The following EXOSC9 variants were observed in gnomAD, a reference collection of about 807,000 sequenced individuals.
EXOSC9 encodes exosome component 9, also known as exosome complex component RRP45.
A neutral mutation model predicts 56.5 loss-of-function variants in EXOSC9; 38 were observed. That is an observed-to-expected ratio of 0.67 (90% CI 0.52 to 0.88). The LOEUF (loss-of-function observed/expected upper bound fraction) is 0.88, where lower values mean the gene tolerates loss of function less well. Among genes scored for constraint, EXOSC9 ranks in the 40% least tolerant of loss-of-function variants. The probability of loss-of-function intolerance (pLI) is 0.00; values close to 1 mark genes in which losing one functional copy is unlikely to be tolerated. For synonymous variants in EXOSC9, 170 were observed against 170.8 expected, an observed-to-expected ratio of 0.99 and a Z score of 0.04; for missense variants, 559 against 530.5, an observed-to-expected ratio of 1.05 and a Z score of -0.53.
In EXOSC9 at chr4:121,801,423, C is replaced by G. The variant is rs753228249; in HGVS notation, c.-2C>G. On this transcript the variant is annotated 5_prime_UTR_variant, in exon 1 of 12. Transcript: ENST00000243498. ...TGCCTGTGGGGCCGGTGACCCAACA[C>G]CATGAAGGAAACGCCACTCTCAAAC... is the stretch of plus-strand genomic sequence containing the variant. The G allele has an allele frequency of 6.2e-7, 1 of 1,614,050 alleles. No homozygotes were observed. The highest frequency in any genetic ancestry group is 1.1e-5 in the South Asian group (1 of 91,086).
At chr4:121,803,138 T>C in intron 4 of EXOSC9, 121 bp downstream of exon 4, 1 of 694,148 alleles carries the variant, frequency 1.4e-6, no homozygotes, top group Non-Finnish European at 2.5e-6. Context: ...TTGCTTCACT[T>C]CAGATGTTCT....
At chr4:121,808,164 G>A (rs890718419) in intron 6 of EXOSC9, among the ~76,000 whole-genome samples, 1 of 152,158 alleles carries the variant, frequency 6.6e-6, no homozygotes, top group African/African-American at 2.4e-5. Flanking sequence ...CCATTTAATG[G>A]TGCTTTCAAA....
At position 121,816,787 on chromosome 4, in the gene EXOSC9, T is replaced by TG. The variant is rs1258477522; in HGVS notation, c.1252dup (p.Ala418GlyfsTer9). The TG allele has an allele frequency of 6.3e-7, 1 of 1,599,164 alleles. No homozygotes were observed. Among genetic ancestry groups the TG allele is most frequent in the Non-Finnish European group, 8.5e-7 (1 of 1,173,200 alleles). ...TTATTCACAGAACACAGACCACCAG[T>TG]GCAAAACAAGAAAAAGCACCAAGTA... On this transcript the variant is annotated frameshift_variant, in exon 12 of 12. Transcript: ENST00000243498. LOFTEE classifies it high-confidence loss of function.
chr4:121,811,125 T>C (rs992764993), intron 7 of EXOSC9, among the ~76,000 whole-genome samples: 2 of 152,230 alleles, frequency 1.3e-5, no homozygotes, highest in Non-Finnish European at 2.9e-5. Context: ...ACTTTCTTTA[T>C]CTGTAAAATA....
At chr4:121,801,622 C>A in intron 1 of EXOSC9, 132 bp downstream of exon 1, 1 of 899,598 alleles carries the variant, frequency 1.1e-6, no homozygotes, top group Non-Finnish European at 1.8e-6. Context: ...ATCCCTCAGG[C>A]TTTATTTATT....
At chr4:121,804,279 G>A (rs534989287) in intron 4 of EXOSC9, among the ~76,000 whole-genome samples, 36 of 150,984 alleles carry the variant, frequency 2.4e-4, no homozygotes, top group Non-Finnish European at 4.7e-4. Context: ...CTCCCAAAGT[G>A]CTGGGATTAC....
chr4:121,804,737 T>C lies in EXOSC9; in HGVS notation c.500T>C (p.Val167Ala). 1 of 1,610,518 alleles carries C rather than the reference T, an allele frequency of 6.2e-7. No homozygotes were observed. Among genetic ancestry groups the C allele is most frequent in the South Asian group, 1.1e-5 (1 of 90,342 alleles). The change falls in exon 5 of 12, where the codon GTC becomes GCC. Residue 167 changes from valine (V) to alanine (A), a missense_variant. Val to Ala is a moderately conservative substitution (Grantham distance 64, BLOSUM62 0). Transcript: ENST00000243498. ...LCHFRRPDVS[V>A]QGDEVTLYTP... Reference sequence around the variant, plus strand: ...CATTTCCGAAGACCTGATGTCTCTGTCCAAGGAGATGAAGTAACACTGGTA... The same window carrying C: ...CATTTCCGAAGACCTGATGTCTCTGCCCAAGGAGATGAAGTAACACTGGTA...
intron 4 of EXOSC9, among the ~76,000 whole-genome samples, chr4:121,803,244 A>G (rs1329789349): frequency 3.3e-5 from 5 of 152,052 alleles, no homozygotes; most frequent in African/African-American, 4.8e-5. Context: ...AAAGGTTTCT[A>G]AAAGGTTTTC....
chr4:121,801,394 C>T lies in EXOSC9; in HGVS notation c.-31C>T. ...TCGGGTTCCGTTTTTCCCGCGGATT[C>T]TGGTGCCTGTGGGGCCGGTGACCCA... On this transcript the variant is annotated 5_prime_UTR_variant, in exon 1 of 12. Transcript: ENST00000243498. The T allele has an allele frequency of 1.9e-6, 3 of 1,607,714 alleles. No homozygotes were observed. Among genetic ancestry groups the T allele is most frequent in the African/African-American group, 1.3e-5 (1 of 74,940 alleles).
chr4:121,803,254 C>T (rs1232668976), intron 4 of EXOSC9, among the ~76,000 whole-genome samples: 1 of 151,990 alleles, frequency 6.6e-6, no homozygotes, highest in Non-Finnish European at 1.5e-5. Context: ...AAAAGGTTTT[C>T]ACCCTTTATC....
intron 9 of EXOSC9, chr4:121,813,633 TGAGA>T: frequency 1.9e-6 from 1 of 534,276 alleles, no homozygotes; most frequent in East Asian, 2.9e-5. Flanking sequence ...ACTAAAATGT[TGAGA>T]GAATCTGTCT....
chr4:121,805,809 C>CTT (rs1190137116), intron 5 of EXOSC9, among the ~76,000 whole-genome samples: 9 of 79,116 alleles, frequency 1.1e-4, no homozygotes, highest in South Asian at 4.4e-4. Flanking sequence ...TTTTTTTTTT[C>CTT]TTTTTTTTTT....
In EXOSC9 at chr4:121,816,874, C is replaced by T; in HGVS notation, c.*18C>T. 1 of 1,541,532 alleles carries T rather than the reference C, an allele frequency of 6.5e-7. No homozygotes were observed. The highest frequency in any genetic ancestry group is 1.4e-5 in the African/African-American group (1 of 71,486). On this transcript the variant is annotated 3_prime_UTR_variant, in exon 12 of 12. Coordinates refer to ENST00000243498, the MANE Select transcript of EXOSC9 (RefSeq NM_005033.3). ...CCAATTAAAGCTAACAGTTGTATAT[C>T]TGTATATATAACTATTAAAAGGGAT...
chr4:121,816,206 G>A, intron 10 of EXOSC9, 163 bp from the exon 11 acceptor site: 2 of 628,084 alleles, frequency 3.2e-6, no homozygotes, highest in African/African-American at 1.9e-5. Context: ...TAATCCACCT[G>A]CCTCAGCCTA....
At chr4:121,804,911 A>G (rs1726975978) in intron 5 of EXOSC9, 152 bp downstream of exon 5, 2 of 539,580 alleles carry the variant, frequency 3.7e-6, no homozygotes, top group African/African-American at 1.9e-5. Flanking sequence ...CATATGGTCA[A>G]AATTGCCCTG....
At chr4:121,801,634 T>C (rs1390142291) in intron 1 of EXOSC9, 144 bp downstream of exon 1, 2 of 855,572 alleles carry the variant, frequency 2.3e-6, no homozygotes, top group Non-Finnish European at 3.8e-6. Flanking sequence ...TTATTTATTT[T>C]TTTTCGACAG....
intron 8 of EXOSC9, among the ~76,000 whole-genome samples, chr4:121,812,552 G>A (rs1355757103): frequency 6.6e-6 from 1 of 152,108 alleles, no homozygotes; most frequent in Non-Finnish European, 1.5e-5. Context: ...GTGCATTTGT[G>A]CAATCTCAGC....
chr4:121,815,339 T>C lies in EXOSC9; in HGVS notation c.1157-1030T>C, dbSNP rs891447029. Reference sequence around the variant, plus strand: ...CTTGCACTTGCATATACCTCTTATATGTTTGTTTAGTGTATTCTTCTAACA... The same window carrying C: ...CTTGCACTTGCATATACCTCTTATACGTTTGTTTAGTGTATTCTTCTAACA... On this transcript the variant is annotated intron_variant, in intron 10 of 11. Coordinates refer to ENST00000243498, the MANE Select transcript of EXOSC9 (RefSeq NM_005033.3). 5 of 973,820 alleles carry C rather than the reference T, an allele frequency of 5.1e-6. No individual in the cohort carries two copies. The Admixed American group carries it at 3.1e-4, about 60-fold the overall frequency. 60.3% of individuals were successfully genotyped at this position (973,820 alleles called of 1,614,324 possible).
Position 121,804,734 on chromosome 4 carries a change from C to G in EXOSC9, c.497C>G (p.Ser166Cys). The G allele has an allele frequency of 6.2e-7, 1 of 1,611,902 alleles. No homozygotes were observed. The highest frequency in any genetic ancestry group is 8.5e-7 in the Non-Finnish European group (1 of 1,178,626). ...ALCHFRRPDVSVQGDEVTLYT... is the reference protein window; with the variant it reads ...ALCHFRRPDVCVQGDEVTLYT... ...TGTCATTTCCGAAGACCTGATGTCT[C>G]TGTCCAAGGAGATGAAGTAACACTG... Residue 166 changes from serine to cysteine, a missense_variant, in exon 5 of 12, where the codon TCT becomes TGT. Physicochemically the swap from Ser to Cys is moderately radical, Grantham distance 112 (BLOSUM62 -1). Transcript: ENST00000243498.
Sources: gnomAD v4.1 joint callset for allele counts (sites outside exome capture counted in the v4.1 genomes callset) on GRCh38, gnomAD v4.1.1 for gene constraint, MANE v1.5 for transcripts, NCBI Gene and HGNC (gene_info 2026-07-23, HGNC 2026-07-21) for gene names.